The following CMIP variants were observed in gnomAD, a reference collection of about 807,000 sequenced individuals.
CMIP encodes C-Maf-inducing protein.
CMIP carries 13 observed loss-of-function variants against 97.3 expected under a neutral mutation model. The ratio of observed to expected loss-of-function variants is 0.13; its 90% CI spans 0.09 to 0.21. The LOEUF is 0.21. CMIP is among the 10% of genes least tolerant of loss of function. The probability of loss-of-function intolerance (pLI) is 1.00; values close to 1 mark genes in which losing one functional copy is unlikely to be tolerated. For missense variants in CMIP, 847 were observed against 1,024.9 expected, an observed-to-expected ratio of 0.83 and a Z score of 2.37; for synonymous variants, 538 against 436.3, an observed-to-expected ratio of 1.23 and a Z score of -2.91.
At chr16:81,594,287 GT>G (rs1166572453) in intron 1 of CMIP, among the ~76,000 whole-genome samples, 4 of 149,936 alleles carry the variant, frequency 2.7e-5, no homozygotes, top group Non-Finnish European at 5.9e-5. Context: ...CTGGCTAATT[GT>G]TGTATTTTTT....
In CMIP at chr16:81,616,703, AG is replaced by A. The variant is rs2091923411; in HGVS notation, c.427-4168del. ...CCAGAAAGCCAAGTGTGGCTGGGGA[AG>A]GGGGTCACACCCTCCTATGGGAGGA... On this transcript the variant is annotated intron_variant, in intron 2 of 20. Coordinates refer to ENST00000537098, the MANE Select transcript of CMIP (RefSeq NM_198390.3). The surrounding 1 kb of genome is among the most constrained non-coding windows in gnomAD (Gnocchi z 4.7). Among the ~76,000 whole-genome samples, 1 of 152,216 alleles carries A rather than the reference AG, an allele frequency of 6.6e-6. No homozygotes were observed. Among genetic ancestry groups the A allele is most frequent in the Admixed American group, 6.5e-5 (1 of 15,284 alleles).
At chr16:81,604,593 C>T (rs138657614) in intron 1 of CMIP, among the ~76,000 whole-genome samples, 4 of 152,034 alleles carry the variant, frequency 2.6e-5, no homozygotes, top group Non-Finnish European at 4.4e-5. Flanking sequence ...CTCAGCTTCT[C>T]GGGAGGCTGA....
At chr16:81,567,211 C>T (rs537879183) in intron 1 of CMIP, among the ~76,000 whole-genome samples, 3 of 152,376 alleles carry the variant, frequency 2.0e-5, no homozygotes, top group East Asian at 1.9e-4. Context: ...GAGGCTTTGC[C>T]GCCTGGCGGA....
At chr16:81,682,862 A>T (rs1337023231) in intron 10 of CMIP, among the ~76,000 whole-genome samples, 2 of 152,230 alleles carry the variant, frequency 1.3e-5, no homozygotes, top group Non-Finnish European at 2.9e-5. Context: ...CTTGAAAAGG[A>T]AAACTATTCC....
At chr16:81,482,343 G>C (rs2089238932) in intron 1 of CMIP, among the ~76,000 whole-genome samples, 2 of 152,176 alleles carry the variant, frequency 1.3e-5, no homozygotes, top group Non-Finnish European at 2.9e-5. Flanking sequence ...GGCCATTATT[G>C]TGCCTATCAT....
Position 81,699,700 on chromosome 16 carries a change from G to C in CMIP, c.1654G>C (p.Gly552Arg). ...LFASMVHILM[G>R]SCYKTKKFLL... Reference sequence around the variant, plus strand: ...TGCCTCACAGGTGCACATCCTCATGGGCTCCTGTTACAAGACCAAAAAATT... The same window carrying C: ...TGCCTCACAGGTGCACATCCTCATGCGCTCCTGTTACAAGACCAAAAAATT... The change falls in exon 15 of 21, where the codon GGC becomes CGC. Residue 552 changes from glycine (G) to arginine (R), a missense_variant. Gly to Arg is a moderately radical substitution (Grantham distance 125). Coordinates refer to ENST00000537098, the MANE Select transcript of CMIP (RefSeq NM_198390.3). The C allele has an allele frequency of 6.2e-7, 1 of 1,612,412 alleles. No homozygotes were observed. The highest frequency in any genetic ancestry group is 8.5e-7 in the Non-Finnish European group (1 of 1,178,686).
intron 6 of CMIP, among the ~76,000 whole-genome samples, chr16:81,664,066 C>G (rs181518886): frequency 1.3e-5 from 2 of 152,298 alleles, no homozygotes; most frequent in Non-Finnish European, 2.9e-5. Context: ...GGAAAGGTCT[C>G]TACCTTCCTC....
intron 1 of CMIP, among the ~76,000 whole-genome samples, chr16:81,577,984 CCATCACCAT>C (rs1435924022): frequency 6.7e-6 from 1 of 149,412 alleles, no homozygotes. Context: ...ATCACTATCA[CCATCACCAT>C]CATCACCATC....
At chr16:81,638,889 G>A (rs1311713244) in intron 3 of CMIP, among the ~76,000 whole-genome samples, 1 of 151,938 alleles carries the variant, frequency 6.6e-6, no homozygotes, top group Non-Finnish European at 1.5e-5. Context: ...TAGTCCATGA[G>A]GAAATGCACT....
intron 2 of CMIP, chr16:81,610,375 C>A (rs2091811313): frequency 1.0e-6 from 1 of 985,628 alleles, no homozygotes; most frequent in Non-Finnish European, 1.2e-6. Context: ...TCACTGCCCC[C>A]TGATCCCGTG....
chr16:81,591,446 C>T (rs796981548), intron 1 of CMIP, among the ~76,000 whole-genome samples: 32 of 152,272 alleles, frequency 2.1e-4, no homozygotes, highest in African/African-American at 7.7e-4. Flanking sequence ...GGCAGAGTGC[C>T]CTTCTTTCCA....
chr16:81,556,667 C>A (rs2090770318), intron 1 of CMIP, among the ~76,000 whole-genome samples: 1 of 152,126 alleles, frequency 6.6e-6, no homozygotes, highest in Non-Finnish European at 1.5e-5. Flanking sequence ...GCTCTGGAGG[C>A]CGACAGTGGC....
chr16:81,600,576 C>T (rs989627292), intron 1 of CMIP, among the ~76,000 whole-genome samples: 6 of 152,124 alleles, frequency 3.9e-5, no homozygotes, highest in African/African-American at 7.2e-5. Context: ...GGCTGCCTGG[C>T]GCCTGGGGAT....
At chr16:81,637,956 G>C (rs1388586271) in intron 3 of CMIP, among the ~76,000 whole-genome samples, 1 of 152,134 alleles carries the variant, frequency 6.6e-6, no homozygotes, top group African/African-American at 2.4e-5. Flanking sequence ...TCTTTTCTAA[G>C]GGCACTGATC....
intron 5 of CMIP, among the ~76,000 whole-genome samples, chr16:81,658,644 C>A (rs962644324): frequency 3.9e-5 from 6 of 152,208 alleles, no homozygotes; most frequent in African/African-American, 1.4e-4. Flanking sequence ...TGTGCAAGAG[C>A]ACAAAGATTT....
intron 1 of CMIP, 139 bp downstream of exon 1, chr16:81,445,680 G>T: frequency 1.0e-6 from 1 of 994,322 alleles, no homozygotes; most frequent in South Asian, 1.7e-5. Flanking sequence ...GGAGAACCAG[G>T]GCGCCTCGCT....
At chr16:81,647,281 G>A (rs1445537864) in intron 3 of CMIP, among the ~76,000 whole-genome samples, 6 of 152,234 alleles carry the variant, frequency 3.9e-5, no homozygotes, top group African/African-American at 9.6e-5. Flanking sequence ...TTGGCAAACT[G>A]TTTTCTACAA....
Position 81,696,650 on chromosome 16 carries a change from G to A in CMIP, c.1621G>A (p.Glu541Lys). Reference protein sequence around the residue: ...PGGVACDDDGELFASMVHILM... With the variant: ...PGGVACDDDGKLFASMVHILM... ...AGGGGTGGCCTGCGACGATGACGGG[G>A]AGCTGTTCGCCAGCATGGTACGCAG... Residue 541 changes from glutamate to lysine, a missense_variant, in exon 14 of 21, where the codon GAG becomes AAG. Transcript: ENST00000537098. 6.2e-7 allele frequency: 1 copy of A among 1,606,458 alleles called. No homozygotes were observed. Among genetic ancestry groups the A allele is most frequent in the Non-Finnish European group, 8.5e-7 (1 of 1,179,792 alleles).
intron 1 of CMIP, among the ~76,000 whole-genome samples, chr16:81,554,709 C>G (rs1279428647): frequency 6.6e-6 from 1 of 152,136 alleles, no homozygotes; most frequent in African/African-American, 2.4e-5. Flanking sequence ...CTGTGTGACC[C>G]TGGGCAGGCA....
Sources: gnomAD v4.1 joint callset for allele counts (sites outside exome capture counted in the v4.1 genomes callset) on GRCh38, gnomAD v4.1.1 for gene constraint, Gnocchi (gnomAD v3.1) non-coding constraint, MANE v1.5 for transcripts, NCBI Gene and HGNC (gene_info 2026-07-23, HGNC 2026-07-21) for gene names.